MCF2L: variants seen among roughly 807,000 people sequenced by gnomAD.
The protein encoded by MCF2L is guanine nucleotide exchange factor DBS.
A neutral mutation model predicts 153.4 loss-of-function variants in MCF2L; 97 were observed. The ratio of observed to expected loss-of-function variants is 0.63; its 90% CI spans 0.54 to 0.75. MCF2L has a LOEUF of 0.75. Among genes scored for constraint, MCF2L ranks in the 30% least tolerant of loss-of-function variants. The probability of loss-of-function intolerance (pLI) is 0.00; values close to 1 mark genes in which losing one functional copy is unlikely to be tolerated. For synonymous variants in MCF2L, 659 were observed against 632.2 expected, an observed-to-expected ratio of 1.04 and a Z score of -0.64; for missense variants, 1,347 against 1,495.2, an observed-to-expected ratio of 0.90 and a Z score of 1.64.
In MCF2L at chr13:113,081,276, G is replaced by A. The variant is rs753485794; in HGVS notation, c.1872G>A (p.Leu624=). Residue 624 remains leucine (L), a synonymous_variant, in exon 16 of 30, where the codon CTG becomes CTA. Coordinates refer to ENST00000535094, the MANE Select transcript of MCF2L (RefSeq NM_001112732.3). ...ACGTGGAGGAGCTGCTGTGCGTCCT[G>A]GAGGTGAGGCTGGACTCGGGGAGGG... The part of the protein sequence containing the change: ...RAYVEELLCV[L]EGYAAEMDNP... 3 of 1,585,742 alleles carry A rather than the reference G, an allele frequency of 1.9e-6. No individual in the cohort carries two copies. Among genetic ancestry groups the A allele is most frequent in the Non-Finnish European group, 2.6e-6 (3 of 1,167,186 alleles).
At chr13:113,050,289 AGTGT>A (rs74773597) in intron 4 of MCF2L, among the ~76,000 whole-genome samples, 3 of 149,804 alleles carry the variant, frequency 2.0e-5, no homozygotes, top group East Asian at 2.0e-4. Context: ...TGAGTGTGAG[AGTGT>A]GTGTGTGTGA....
intron 3 of MCF2L, among the ~76,000 whole-genome samples, chr13:113,039,636 G>GTAGAAAAACAACCAAA (rs143106654): frequency 0.074 from 11,187 of 152,154 alleles, 486 homozygotes; most frequent in East Asian, 0.18. Flanking sequence ...GGAGAATCTA[G>GTAGAAAAACAACCAAA]TAGAAAAACA....
At chr13:112,985,339 G>C in intron 1 of MCF2L, 1 of 462,676 alleles carries the variant, frequency 2.2e-6, no homozygotes, top group Non-Finnish European at 4.5e-6. Context: ...GGGTTGTGGC[G>C]AGCCCAGGGC....
chr13:113,029,578 A>C (rs1594747071), intron 3 of MCF2L, among the ~76,000 whole-genome samples: 1 of 152,166 alleles, frequency 6.6e-6, no homozygotes, highest in Admixed American at 6.5e-5. Flanking sequence ...GACAAGGAGG[A>C]GACCTGCCCA....
chr13:113,034,869 T>C (rs954749360), intron 3 of MCF2L, among the ~76,000 whole-genome samples: 1 of 145,880 alleles, frequency 6.9e-6, no homozygotes, highest in African/African-American at 2.6e-5. Context: ...AGATCGGAGG[T>C]GAGGAAGGTC....
intron 3 of MCF2L, chr13:113,026,946 A>C (rs541238396): frequency 1.3e-6 from 1 of 777,270 alleles, no homozygotes; most frequent in Non-Finnish European, 2.4e-6. Flanking sequence ...CTCTCATCTG[A>C]TGTGCTCGTC....
intron 1 of MCF2L, among the ~76,000 whole-genome samples, chr13:112,988,777 C>T (rs1359013978): frequency 9.4e-6 from 1 of 105,928 alleles, no homozygotes. Context: ...CTACCATGCC[C>T]GAGTCCTCCC....
chr13:112,919,205 A>ATTTTTT (rs11431408), intron 2 of MCF2L, among the ~76,000 whole-genome samples: 5 of 125,644 alleles, frequency 4.0e-5, no homozygotes, highest in Non-Finnish European at 6.4e-5. Flanking sequence ...AAGAATTTGC[A>ATTTTTT]TTTTTTTTTT....
chr13:113,025,315 G>T (rs1237440830), intron 3 of MCF2L, among the ~76,000 whole-genome samples: 1 of 87,420 alleles, frequency 1.1e-5, no homozygotes, highest in Non-Finnish European at 2.3e-5. Flanking sequence ...ATCATGGTGG[G>T]GTCCCCGTGA....
intron 1 of MCF2L, among the ~76,000 whole-genome samples, chr13:112,981,465 G>T (rs1427688678): frequency 1.3e-5 from 2 of 152,218 alleles, no homozygotes; most frequent in Non-Finnish European, 2.9e-5. Context: ...ACTGAGCCAC[G>T]TCCTGCCCTT....
chr13:113,059,612 C>A (rs531956839), intron 4 of MCF2L, among the ~76,000 whole-genome samples: 1 of 152,200 alleles, frequency 6.6e-6, no homozygotes, highest in African/African-American at 2.4e-5. Flanking sequence ...TCTGTCATCG[C>A]GGCTTTTGAG....
chr13:113,032,215 G>T (rs2085769655), intron 3 of MCF2L, among the ~76,000 whole-genome samples: 1 of 152,226 alleles, frequency 6.6e-6, no homozygotes, highest in Admixed American at 6.5e-5. Context: ...GTCTGAGCTG[G>T]AGGGCAGCTG....
chr13:112,972,703 G>A (rs1009343664), intron 1 of MCF2L, among the ~76,000 whole-genome samples: 5 of 65,850 alleles, frequency 7.6e-5, no homozygotes, highest in Non-Finnish European at 1.5e-4. Context: ...GTGGATGGGT[G>A]TATGGATGGA....
At position 113,031,942 on chromosome 13, in the gene MCF2L, G is replaced by A. The variant is rs2085751813; in HGVS notation, c.278+7184G>A. 6.6e-6 allele frequency among the ~76,000 whole-genome samples: 1 copy of A among 152,094 alleles called. No individual in the cohort carries two copies. The highest frequency in any genetic ancestry group is 2.1e-4 in the South Asian group (1 of 4,826). On this transcript the variant is annotated intron_variant, in intron 3 of 29. Coordinates refer to ENST00000535094, the MANE Select transcript of MCF2L (RefSeq NM_001112732.3). The surrounding 1 kb of genome is among the most constrained non-coding windows in gnomAD (Gnocchi z 5.5). ...TGCACTTACATACACAGATGTGCAT[G>A]TGTATAACCACACACGTGCGCACAC...
Position 112,923,554 on chromosome 13 carries a change from G to A in MCF2L, c.169+21183G>A, listed in dbSNP as rs973225993. Among the ~76,000 whole-genome samples, 15 of 152,184 alleles carry A rather than the reference G, an allele frequency of 9.9e-5. No individual in the cohort carries two copies. The East Asian group carries it at 1.2e-3, about 12-fold the overall frequency. ...GCTGGGATTACAGGTGTGAGCCACC[G>A]CACCTGGCCAGTGTTTACTTCTTAA... On this transcript the variant is annotated intron_variant, in intron 2 of 29. Transcript: ENST00000375608.
intron 1 of MCF2L, among the ~76,000 whole-genome samples, chr13:112,998,151 G>A (rs1366281022): frequency 2.6e-5 from 4 of 152,206 alleles, no homozygotes; most frequent in Non-Finnish European, 5.9e-5. Flanking sequence ...TCCTAGACAC[G>A]GTCATTCATG....
At chr13:113,084,282 C>T (rs1244424858) in intron 18 of MCF2L, among the ~76,000 whole-genome samples, 1 of 121,620 alleles carries the variant, frequency 8.2e-6, no homozygotes, top group African/African-American at 2.9e-5. Context: ...CCCCAGAAAA[C>T]GTCCTGAACC....
intron 2 of MCF2L, chr13:112,956,022 T>C (rs1724213122): frequency 6.6e-6 from 1 of 152,228 alleles, no homozygotes; most frequent in African/African-American, 2.4e-5. Flanking sequence ...AGAGTATTGA[T>C]TTAGTTTTCT....
chr13:112,980,555 C>T (rs999734054), intron 1 of MCF2L, among the ~76,000 whole-genome samples: 1 of 150,082 alleles, frequency 6.7e-6, no homozygotes, highest in African/African-American at 2.4e-5. Flanking sequence ...CACATCCAGG[C>T]GATGCCTGAC....
Sources: allele counts gnomAD v4.1 joint callset (sites outside exome capture counted in the v4.1 genomes callset), GRCh38; gene constraint gnomAD v4.1.1; non-coding constraint Gnocchi (gnomAD v3.1); transcripts MANE v1.5; gene names NCBI Gene and HGNC (gene_info 2026-07-23, HGNC 2026-07-21).